The following PDZD2 variants were observed in gnomAD, a reference collection of about 807,000 sequenced individuals.
PDZD2 encodes the protein PDZ domain-containing protein 2.
Under a neutral mutation model 220.7 loss-of-function variants are expected in PDZD2, and 90 were observed. The ratio of observed to expected loss-of-function variants is 0.41; its 90% CI spans 0.34 to 0.49. The LOEUF (loss-of-function observed/expected upper bound fraction) is 0.49. Among genes scored for constraint, PDZD2 ranks in the 20% least tolerant of loss-of-function variants. PDZD2 has a pLI of 0.28. For missense variants in PDZD2, 3,174 were observed against 3,608.5 expected (o/e 0.88, Z 3.08); for synonymous variants, 1,375 against 1,450.5 (o/e 0.95, Z 1.18).
In PDZD2 at chr5:32,089,106, G is replaced by A; in HGVS notation, c.5658G>A (p.Lys1886=). ...GQKAKCGPKL[K]RLSLKGKAKV... The stretch of plus-strand genomic sequence containing the variant: ...AGGCAAAGTGTGGTCCGAAGCTGAA[G>A]AGGCTCAGCCTCAAGGGCAAGGCCA... The change falls in exon 20 of 25, where the codon AAG becomes AAA. Residue 1886 remains lysine (K), a synonymous_variant. Transcript: ENST00000438447. 6.2e-7 allele frequency: 1 copy of A among 1,614,118 alleles called. No homozygotes were observed. The highest frequency in any genetic ancestry group is 8.5e-7 in the Non-Finnish European group (1 of 1,180,014).
chr5:31,659,336 A>T (rs1297376219), intron 1 of PDZD2, among the ~76,000 whole-genome samples: 1 of 151,934 alleles, frequency 6.6e-6, no homozygotes, highest in Non-Finnish European at 1.5e-5. Flanking sequence ...CTATGTACTG[A>T]TCACTTCCAG....
At chr5:31,812,027 TAAATAAATAAAA>T (rs1365902972) in intron 2 of PDZD2, among the ~76,000 whole-genome samples, 42 of 142,418 alleles carry the variant, frequency 2.9e-4, no homozygotes, top group Middle Eastern at 3.7e-3. Context: ...AATAAATAAA[TAAATAAATAAAA>T]ATTCAAGCTC....
chr5:31,884,924 T>G (rs911768003), intron 2 of PDZD2, among the ~76,000 whole-genome samples: 3 of 152,128 alleles, frequency 2.0e-5, no homozygotes, highest in Non-Finnish European at 2.9e-5. Flanking sequence ...ATTATAGGTA[T>G]GAGCCACTGT....
At chr5:31,929,137 C>T (rs914695239) in intron 2 of PDZD2, among the ~76,000 whole-genome samples, 1 of 152,164 alleles carries the variant, frequency 6.6e-6, no homozygotes, top group Non-Finnish European at 1.5e-5. Context: ...TGCTCAGCGT[C>T]GTGGAGTTTT....
At chr5:31,907,948 T>TG (rs1476137694) in intron 2 of PDZD2, among the ~76,000 whole-genome samples, 1 of 151,514 alleles carries the variant, frequency 6.6e-6, no homozygotes, top group African/African-American at 2.4e-5. Context: ...CCAGGCATGG[T>TG]GGTGGATGCC....
intron 7 of PDZD2, among the ~76,000 whole-genome samples, chr5:32,039,639 G>T (rs113917136): frequency 6.6e-6 from 1 of 150,550 alleles, no homozygotes; most frequent in African/African-American, 2.5e-5. Flanking sequence ...CTGCCCGGCC[G>T]CCAACCTGTC....
intron 1 of PDZD2, among the ~76,000 whole-genome samples, chr5:31,749,095 GC>G (rs202137791): frequency 4.6e-5 from 7 of 150,928 alleles, no homozygotes; most frequent in African/African-American, 1.2e-4. Context: ...ATGGGGGGGG[GC>G]CTTAATTTGT....
intron 1 of PDZD2, among the ~76,000 whole-genome samples, chr5:31,750,002 A>G (rs1310588045): frequency 6.6e-6 from 1 of 152,196 alleles, no homozygotes; most frequent in East Asian, 1.9e-4. Context: ...GGGGCCATCC[A>G]GGACTGCGGA....
In PDZD2 at chr5:31,791,266, T is replaced by C. The variant is rs78739615; in HGVS notation, c.-360-7623T>C. On this transcript the variant is annotated intron_variant, in intron 1 of 24. Transcript: ENST00000438447. ...TCTTTATCTCTGATTGCTTACTGAG[T>C]TGGGGAGCTGTAGACTTTGCTGAGA... Among the ~76,000 whole-genome samples the C allele has an allele frequency of 5.3e-5, 8 of 151,844 alleles. 1 individual carries two copies. The South Asian group carries it at 1.2e-3, about 24-fold the overall frequency.
chr5:31,812,978 C>G (rs897748922), intron 2 of PDZD2, among the ~76,000 whole-genome samples: 2 of 152,152 alleles, frequency 1.3e-5, no homozygotes, highest in Admixed American at 1.3e-4. Flanking sequence ...TGAAGTAAAA[C>G]AGTGACAATC....
At chr5:31,742,087 G>C (rs1034483996) in intron 1 of PDZD2, 4 of 152,340 alleles carry the variant, frequency 2.6e-5, no homozygotes, top group African/African-American at 9.6e-5. Context: ...GTACAGGAAA[G>C]TCAATTATCT....
At chr5:31,956,472 G>A (rs12657069) in intron 2 of PDZD2, among the ~76,000 whole-genome samples, 20 of 145,656 alleles carry the variant, frequency 1.4e-4, no homozygotes, top group African/African-American at 4.1e-4. Flanking sequence ...GCGTGAACCC[G>A]GGAGACAGAG....
rs1745265649 is a variant in PDZD2 at position 32,110,329 on chromosome 5, A to AAAG, written c.*2195_*2197dup. 6.6e-6 allele frequency: 1 copy of AAAG among 152,640 alleles called. No individual in the cohort carries two copies. The highest frequency in any genetic ancestry group is 2.1e-4 in the South Asian group (1 of 4,834). The allele number at this position is 152,640 out of a possible 1,614,324, so 9.5% of individuals were successfully genotyped here. On this transcript the variant is annotated 3_prime_UTR_variant, in exon 25 of 25. Coordinates refer to ENST00000438447, the MANE Select transcript of PDZD2 (RefSeq NM_178140.4). The stretch of plus-strand genomic sequence containing the variant: ...TCTGGCTTACCACATACACTATGCT[A>AAAG]AAGTCATCAGCCACTGCTACTACAT...
At chr5:31,673,979 G>T (rs1299629263) in intron 1 of PDZD2, among the ~76,000 whole-genome samples, 1 of 152,136 alleles carries the variant, frequency 6.6e-6, no homozygotes. Flanking sequence ...TCAAAAAAAA[G>T]AGAAAAGAGT....
In PDZD2 at chr5:31,674,518, G is replaced by A. The variant is rs73751825; in HGVS notation, c.-361+35081G>A. Among the ~76,000 whole-genome samples, 793 of 152,276 alleles carry A rather than the reference G, an allele frequency of 5.2e-3. 5 individuals are homozygous for A. Among genetic ancestry groups the A allele is most frequent in the African/African-American group, 0.018 (754 of 41,548 alleles). The stretch of plus-strand genomic sequence containing the variant: ...GTAAAATGTTTATTGGCCTGTGAAA[G>A]CCAGATGTCTAGAAACCGCTGAATT... On this transcript the variant is annotated intron_variant, in intron 1 of 24. Transcript: ENST00000438447.
chr5:31,708,081 G>C (rs1747910971), intron 1 of PDZD2, among the ~76,000 whole-genome samples: 1 of 152,180 alleles, frequency 6.6e-6, no homozygotes, highest in Non-Finnish European at 1.5e-5. Flanking sequence ...TACTAGGTTG[G>C]GGGAGGCAGG....
Position 32,090,624 on chromosome 5 carries a change from G to T in PDZD2, c.7176G>T (p.Leu2392Phe), listed in dbSNP as rs1389224557. 1 of 1,614,130 alleles carries T rather than the reference G, an allele frequency of 6.2e-7. No homozygotes were observed. The highest frequency in any genetic ancestry group is 1.3e-5 in the African/African-American group (1 of 75,046). ...LGHPGDAAAR[L>F]LRRSLSSCSE... ...ACCCAGGTGACGCAGCAGCAAGGTT[G>T]TTGAGACGCAGCTTGAGTTCCTGCA... Residue 2392 changes from leucine to phenylalanine, a missense_variant, in exon 20 of 25, where the codon TTG becomes TTT. By Grantham distance (22) the Leu-to-Phe change is conservative (BLOSUM62 0). Coordinates refer to ENST00000438447, the MANE Select transcript of PDZD2 (RefSeq NM_178140.4). The surrounding 1 kb of genome is among the most constrained non-coding windows in gnomAD (Gnocchi z 4.3).
At chr5:31,830,205 GC>G (rs1756483368) in intron 2 of PDZD2, among the ~76,000 whole-genome samples, 1 of 141,034 alleles carries the variant, frequency 7.1e-6, no homozygotes, top group Admixed American at 7.3e-5. Flanking sequence ...TCGCTCTGCC[GC>G]CCAGGCTGGA....
At chr5:31,948,273 G>GT (rs1248553973) in intron 2 of PDZD2, among the ~76,000 whole-genome samples, 2 of 152,102 alleles carry the variant, frequency 1.3e-5, no homozygotes, top group African/African-American at 2.4e-5. Context: ...GTCAGAGGAT[G>GT]TTTTTTTGTC....
Sources: gnomAD v4.1 joint callset for allele counts (sites outside exome capture counted in the v4.1 genomes callset) on GRCh38, gnomAD v4.1.1 for gene constraint, Gnocchi (gnomAD v3.1) non-coding constraint, MANE v1.5 for transcripts, NCBI Gene and HGNC (gene_info 2026-07-23, HGNC 2026-07-21) for gene names.